WWOX: variants seen among roughly 807,000 people sequenced by gnomAD.
WWOX encodes the protein WW domain containing oxidoreductase.
WWOX carries 69 observed loss-of-function variants against 46.2 expected under a neutral mutation model. The ratio of observed to expected loss-of-function variants is 1.49; its 90% confidence interval spans 1.23 to 1.82. The LOEUF (loss-of-function observed/expected upper bound fraction) is 1.82, where lower values mean the gene tolerates loss of function less well. Ranked by LOEUF, WWOX falls within the 40% of genes most tolerant of loss-of-function variation. The pLI, the probability that WWOX is intolerant of heterozygous loss-of-function variation, is 0.00. For missense variants in WWOX, 919 were observed against 542.6 expected (o/e 1.69, Z -6.89); for synonymous variants, 359 against 202.6 (o/e 1.77, Z -6.56).
intron 8 of WWOX, among the ~76,000 whole-genome samples, chr16:78,659,889 C>G (rs1048864383): frequency 6.6e-6 from 1 of 152,172 alleles, no homozygotes; most frequent in Non-Finnish European, 1.5e-5. Flanking sequence ...TCCCCAGGCT[C>G]AACTATCAGC....
At chr16:78,547,159 A>AAAAC (rs2044059554) in intron 8 of WWOX, among the ~76,000 whole-genome samples, 1 of 140,298 alleles carries the variant, frequency 7.1e-6, no homozygotes, top group Non-Finnish European at 1.6e-5. Context: ...AAAAAAAAAA[A>AAAAC]CAACTACCAG....
intron 8 of WWOX, among the ~76,000 whole-genome samples, chr16:78,446,230 G>C (rs930296068): frequency 1.3e-5 from 2 of 152,202 alleles, no homozygotes; most frequent in Non-Finnish European, 2.9e-5. Flanking sequence ...GTTCCAGAGA[G>C]TATTTTGTAA....
At chr16:78,424,003 A>G (rs1158479055) in intron 6 of WWOX, among the ~76,000 whole-genome samples, 4 of 151,674 alleles carry the variant, frequency 2.6e-5, no homozygotes, top group Non-Finnish European at 5.9e-5. Context: ...CTTTACACAG[A>G]GCGATTACCC....
At chr16:78,386,275 A>G (rs2082058307) in intron 5 of WWOX, among the ~76,000 whole-genome samples, 1 of 152,096 alleles carries the variant, frequency 6.6e-6, no homozygotes, top group African/African-American at 2.4e-5. Flanking sequence ...TATTCCTATC[A>G]CCAGCATGTA....
At chr16:78,248,413 C>G (rs1443067299) in intron 5 of WWOX, among the ~76,000 whole-genome samples, 1 of 152,190 alleles carries the variant, frequency 6.6e-6, no homozygotes, top group East Asian at 1.9e-4. Flanking sequence ...CACCTTCCAC[C>G]AGGCCCCACC....
intron 8 of WWOX, among the ~76,000 whole-genome samples, chr16:79,069,438 C>T (rs1424285816): frequency 6.6e-6 from 1 of 152,132 alleles, no homozygotes; most frequent in African/African-American, 2.4e-5. Flanking sequence ...ACCTTTACAT[C>T]TCTGTCTTGT....
rs1231079672 is a variant in WWOX, at chr16:78,144,429, CTA to C, written c.410-19737_410-19736del. Among the ~76,000 whole-genome samples the C allele has an allele frequency of 4.9e-3, 75 of 15,342 alleles. 2 individuals carry two copies. Among genetic ancestry groups the C allele is most frequent in the East Asian group, 0.013 (9 of 674 alleles). The allele number at this position is 15,342 out of a possible 152,430, so 10.1% of individuals were successfully genotyped here. On this transcript the variant is annotated intron_variant, in intron 4 of 8. Coordinates refer to ENST00000566780, the MANE Select transcript of WWOX (RefSeq NM_016373.4). Reference sequence around the variant, plus strand: ...GGTGCAAACGTGGTTTTTGCCATTACTATATATATATATATATACACATATAT... The same window carrying C: ...GGTGCAAACGTGGTTTTTGCCATTACTATATATATATATATACACATATAT...
At chr16:78,222,520 A>G (rs768487220) in intron 5 of WWOX, among the ~76,000 whole-genome samples, 1 of 152,154 alleles carries the variant, frequency 6.6e-6, no homozygotes, top group South Asian at 2.1e-4. Context: ...AAAAAAATAC[A>G]TATTTTGCAG....
At chr16:78,749,864 T>A (rs556982627) in intron 8 of WWOX, among the ~76,000 whole-genome samples, 1 of 152,200 alleles carries the variant, frequency 6.6e-6, no homozygotes, top group African/African-American at 2.4e-5. Context: ...CCTGGGTGGT[T>A]ATTTAATACC....
intron 8 of WWOX, among the ~76,000 whole-genome samples, chr16:79,059,815 A>G (rs1220760625): frequency 6.6e-6 from 1 of 152,240 alleles, no homozygotes; most frequent in Non-Finnish European, 1.5e-5. Flanking sequence ...GTCAGAGACA[A>G]CATTACCCTC....
chr16:78,260,798 G>C (rs1262306320), intron 5 of WWOX, among the ~76,000 whole-genome samples: 1 of 146,008 alleles, frequency 6.8e-6, no homozygotes. Context: ...AATTAGCTGG[G>C]TGTGGTGGCG....
chr16:79,026,237 C>A lies in WWOX; in HGVS notation c.1057-185371C>A, dbSNP rs899983285. Among the ~76,000 whole-genome samples, 5 of 151,758 alleles carry A rather than the reference C, an allele frequency of 3.3e-5. No homozygotes were observed. In the South Asian group the frequency reaches 1.0e-3, roughly 31 times the overall value. On this transcript the variant is annotated intron_variant, in intron 8 of 8. Transcript: ENST00000566780. Reference sequence around the variant, plus strand: ...CCCTTTTCAGCCCTGTTGACACTTCCCTTCTCTGTGCTTTAGTCACCCTAC... The same window carrying A: ...CCCTTTTCAGCCCTGTTGACACTTCACTTCTCTGTGCTTTAGTCACCCTAC...
intron 8 of WWOX, among the ~76,000 whole-genome samples, chr16:78,662,697 T>C (rs542763249): frequency 1.1e-4 from 16 of 152,350 alleles, no homozygotes; most frequent in African/African-American, 3.6e-4. Context: ...TCAGCATCTC[T>C]TGCAGGCTGT....
intron 8 of WWOX, among the ~76,000 whole-genome samples, chr16:79,018,583 A>G (rs1350979760): frequency 6.6e-6 from 1 of 152,158 alleles, no homozygotes; most frequent in South Asian, 2.1e-4. Flanking sequence ...AATTAAATAG[A>G]TAATTGTCAG....
chr16:78,560,199 A>C (rs757890084), intron 8 of WWOX, among the ~76,000 whole-genome samples: 5 of 152,210 alleles, frequency 3.3e-5, no homozygotes, highest in African/African-American at 7.2e-5. Flanking sequence ...GTACTACTGA[A>C]ACAGGTACCT....
At chr16:78,441,002 G>C (rs965221300) in intron 8 of WWOX, among the ~76,000 whole-genome samples, 1 of 152,022 alleles carries the variant, frequency 6.6e-6, no homozygotes, top group African/African-American at 2.4e-5. Context: ...GAATGCAGTG[G>C]TGCAATCTTG....
chr16:78,269,806 A>C (rs7191180), intron 5 of WWOX, among the ~76,000 whole-genome samples: 1 of 151,984 alleles, frequency 6.6e-6, no homozygotes, highest in Non-Finnish European at 1.5e-5. Context: ...AAAATTGCTC[A>C]GGCTGTTTGA....
At chr16:78,154,544 G>A (rs1465606523) in intron 4 of WWOX, among the ~76,000 whole-genome samples, 2 of 84,316 alleles carry the variant, frequency 2.4e-5, no homozygotes, top group Admixed American at 1.8e-4. Flanking sequence ...TGTCTGTTTC[G>A]TCTTTATCTC....
intron 5 of WWOX, among the ~76,000 whole-genome samples, chr16:78,371,705 TTTTTA>T (rs1166152552): frequency 2.0e-5 from 3 of 152,210 alleles, no homozygotes; most frequent in African/African-American, 7.2e-5. Context: ...GTGTTTTTTA[TTTTTA>T]TTTTGCCTAA....
Sources: gnomAD v4.1 joint callset for allele counts (sites outside exome capture counted in the v4.1 genomes callset) on GRCh38, gnomAD v4.1.1 for gene constraint, MANE v1.5 for transcripts, NCBI Gene and HGNC (gene_info 2026-07-23, HGNC 2026-07-21) for gene names.